Variants in TUSC3 observed in about 807,000 individuals in gnomAD.
The protein encoded by TUSC3 is dolichyl-diphosphooligosaccharide--protein glycosyltransferase subunit TUSC3.
TUSC3 carries 45 observed loss-of-function variants against 44.8 expected under a neutral mutation model. The ratio of observed to expected loss-of-function variants is 1.00; its 90% CI spans 0.79 to 1.29. The LOEUF (loss-of-function observed/expected upper bound fraction) is 1.29, where lower values mean the gene tolerates loss of function less well. TUSC3 is among the 50% of genes most tolerant of loss of function. TUSC3 has a pLI of 0.00. For synonymous variants in TUSC3, 212 were observed against 152.9 expected, an observed-to-expected ratio of 1.39 and a Z score of -2.85; for missense variants, 519 against 437.9, an observed-to-expected ratio of 1.19 and a Z score of -1.65.
At chr8:15,436,072 C>T (rs1234285967) in intron 1 of TUSC3, among the ~76,000 whole-genome samples, 3 of 152,136 alleles carry the variant, frequency 2.0e-5, no homozygotes, top group African/African-American at 7.2e-5. Flanking sequence ...CGCTCATTCA[C>T]ATACCTGGTA....
intron 8 of TUSC3, among the ~76,000 whole-genome samples, chr8:15,746,551 C>A (rs982436500): frequency 2.6e-5 from 4 of 151,954 alleles, no homozygotes; most frequent in African/African-American, 7.2e-5. Context: ...CCTCCCTGCA[C>A]TGAGTTCCTC....
At chr8:15,686,072 A>G (rs1157557040) in intron 6 of TUSC3, among the ~76,000 whole-genome samples, 2 of 152,156 alleles carry the variant, frequency 1.3e-5, no homozygotes, top group Non-Finnish European at 2.9e-5. Flanking sequence ...GTTTGTCACT[A>G]TTAAGATACT....
intron 1 of TUSC3, among the ~76,000 whole-genome samples, chr8:15,468,927 A>AT (rs1800449155): frequency 2.0e-5 from 3 of 151,648 alleles, no homozygotes. Context: ...AAAAAAAAAA[A>AT]CCCAGGTGCT....
At chr8:15,595,224 G>A (rs191929637) in intron 1 of TUSC3, among the ~76,000 whole-genome samples, 6 of 152,290 alleles carry the variant, frequency 3.9e-5, no homozygotes, top group Admixed American at 2.0e-4. Context: ...ACTTTTCCCA[G>A]CCTCTGGTAA....
rs188586006 is a variant in TUSC3, at chr8:15,627,154, A to G, written c.308+3905A>G. Among the ~76,000 whole-genome samples, 233 of 152,332 alleles carry G rather than the reference A, an allele frequency of 1.5e-3. 2 individuals are homozygous for G. The highest frequency in any genetic ancestry group is 5.5e-3 in the African/African-American group (227 of 41,580). The stretch of plus-strand genomic sequence containing the variant: ...GAGACAAAGAGATGGCTAGCTGCAG[A>G]GAGAAGCTGCCCACCCCAGGGTCTC... On this transcript the variant is annotated intron_variant, in intron 2 of 10. Coordinates refer to ENST00000503731, the MANE Select transcript of TUSC3 (RefSeq NM_006765.4).
At chr8:15,838,172 G>A in the TUSC3 span, among the ~76,000 whole-genome samples, 7 of 152,122 alleles carry the variant, frequency 4.6e-5, no homozygotes, top group African/African-American at 1.4e-4. Flanking sequence ...TTCCTAGCCT[G>A]TGCACAGATT....
intron 6 of TUSC3, among the ~76,000 whole-genome samples, chr8:15,726,471 T>A (rs1027919577): frequency 2.5e-4 from 38 of 152,280 alleles, no homozygotes; most frequent in African/African-American, 9.1e-4. Context: ...CTTTTTTTAT[T>A]GAATCACTTT....
intron 1 of TUSC3, among the ~76,000 whole-genome samples, chr8:15,441,444 C>T (rs1339884405): frequency 6.6e-6 from 1 of 152,044 alleles, no homozygotes; most frequent in Non-Finnish European, 1.5e-5. Flanking sequence ...TCATTATATT[C>T]CTATAAAAAT....
chr8:15,706,060 G>A (rs1263332014), intron 6 of TUSC3, among the ~76,000 whole-genome samples: 3 of 151,970 alleles, frequency 2.0e-5, no homozygotes, highest in African/African-American at 4.8e-5. Flanking sequence ...GACAAAAACA[G>A]TTACCCTTTG....
the TUSC3 span, among the ~76,000 whole-genome samples, chr8:15,774,710 A>G: frequency 2.0e-5 from 3 of 152,192 alleles, no homozygotes; most frequent in African/African-American, 7.2e-5. Flanking sequence ...ACAAATGTCA[A>G]CAATCACATA....
intron 7 of TUSC3, 81 bp from the exon 8 acceptor site, chr8:15,743,457 T>C: frequency 7.2e-7 from 1 of 1,389,686 alleles, no homozygotes; most frequent in East Asian, 2.3e-5. Context: ...TTAACCATTC[T>C]GGAACATTGT....
At chr8:15,807,240 G>C in the TUSC3 span, 5 of 647,814 alleles carry the variant, frequency 7.7e-6, no homozygotes, top group Admixed American at 4.2e-5. Context: ...CCACCCCCAG[G>C]CATTATGCTC....
the TUSC3 span, among the ~76,000 whole-genome samples, chr8:15,834,168 A>C: frequency 1.3e-5 from 2 of 152,120 alleles, no homozygotes; most frequent in Admixed American, 6.6e-5. Context: ...CCGATATTAA[A>C]ACTTCTTGTC....
intron 1 of TUSC3, among the ~76,000 whole-genome samples, chr8:15,543,206 G>T (rs1014352110): frequency 6.6e-6 from 1 of 151,866 alleles, no homozygotes; most frequent in African/African-American, 2.4e-5. Context: ...ACCTGGAAGT[G>T]TAGCAGTTGA....
chr8:15,785,283 A>T, the TUSC3 span, among the ~76,000 whole-genome samples: 2 of 150,226 alleles, frequency 1.3e-5, no homozygotes, highest in Non-Finnish European at 2.9e-5. Flanking sequence ...GACTAATAAA[A>T]ATCTTCTTCA....
At chr8:15,480,561 G>A (rs1204156011) in intron 1 of TUSC3, among the ~76,000 whole-genome samples, 1 of 152,144 alleles carries the variant, frequency 6.6e-6, no homozygotes, top group African/African-American at 2.4e-5. Context: ...TTCTTAATTT[G>A]TGATTTTTTA....
chr8:15,547,578 CTTAG>C lies in TUSC3; in HGVS notation c.138+7015_138+7018del, dbSNP rs921244499. Reference sequence around the variant, plus strand: ...AGCAGACAGGATACTAGGCATTTGACTTAGTTAGATTGTTGTCGTAGATTGAATG... The same window carrying C: ...AGCAGACAGGATACTAGGCATTTGACTTAGATTGTTGTCGTAGATTGAATG... On this transcript the variant is annotated intron_variant, in intron 1 of 10. Transcript: ENST00000503731. Among the ~76,000 whole-genome samples, 88 of 151,634 alleles carry C rather than the reference CTTAG, an allele frequency of 5.8e-4. 2 individuals are homozygous for C. The highest frequency in any genetic ancestry group is 4.2e-3 in the Admixed American group (63 of 15,176).
At chr8:15,728,436 A>C (rs1197695083) in intron 6 of TUSC3, among the ~76,000 whole-genome samples, 1 of 135,302 alleles carries the variant, frequency 7.4e-6, no homozygotes, top group Non-Finnish European at 1.6e-5. Context: ...GTATTTTCTG[A>C]ATGATTGGAT....
intron 5 of TUSC3, among the ~76,000 whole-genome samples, chr8:15,666,439 G>T (rs1166272642): frequency 6.6e-6 from 1 of 151,252 alleles, no homozygotes; most frequent in African/African-American, 2.4e-5. Context: ...AATAAATTAT[G>T]TCATTTTAAT....
Sources: gnomAD v4.1 joint callset for allele counts (sites outside exome capture counted in the v4.1 genomes callset) on GRCh38, gnomAD v4.1.1 for gene constraint, MANE v1.5 for transcripts, NCBI Gene and HGNC (gene_info 2026-07-23, HGNC 2026-07-21) for gene names.